The following LRRC4C variants were observed in gnomAD, a reference collection of about 807,000 sequenced individuals.
The protein encoded by LRRC4C is leucine rich repeat containing 4C.
A neutral mutation model predicts 33.6 loss-of-function variants in LRRC4C; 5 were observed. The ratio of observed to expected loss-of-function variants is 0.15; its 90% CI spans 0.08 to 0.31. The LOEUF is 0.31. LRRC4C is among the 10% of genes least tolerant of loss of function. The probability of loss-of-function intolerance (pLI) is 1.00; values close to 1 mark genes in which losing one functional copy is unlikely to be tolerated. For missense variants in LRRC4C, 560 were observed against 796.7 expected, an observed-to-expected ratio of 0.70 and a Z score of 3.58; for synonymous variants, 329 against 302.0, an observed-to-expected ratio of 1.09 and a Z score of -0.93.
intron 1 of LRRC4C, among the ~76,000 whole-genome samples, chr11:41,264,663 T>G (rs1949091921): frequency 6.6e-6 from 1 of 152,098 alleles, no homozygotes. Flanking sequence ...AAGAAACAAG[T>G]AGTATATATT....
chr11:40,175,019 G>A (rs564667712), intron 5 of LRRC4C, among the ~76,000 whole-genome samples: 1 of 152,228 alleles, frequency 6.6e-6, no homozygotes, highest in East Asian at 1.9e-4. Context: ...ACAGATTGAT[G>A]ATCTAGAATA....
chr11:40,380,295 A>G (rs902284246), intron 3 of LRRC4C, among the ~76,000 whole-genome samples: 3 of 152,124 alleles, frequency 2.0e-5, no homozygotes, highest in African/African-American at 7.2e-5. Flanking sequence ...GTGGTGGTTT[A>G]TGTTTTAAAT....
At chr11:41,384,272 TCAAGCACAA>T (rs1953268244) in intron 1 of LRRC4C, among the ~76,000 whole-genome samples, 2 of 151,956 alleles carry the variant, frequency 1.3e-5, no homozygotes, top group South Asian at 4.1e-4. Flanking sequence ...TAATGCACAC[TCAAGCACAA>T]TAAAAACTAT....
At chr11:40,272,921 C>T (rs890895049) in intron 4 of LRRC4C, among the ~76,000 whole-genome samples, 4 of 151,738 alleles carry the variant, frequency 2.6e-5, no homozygotes, top group African/African-American at 9.7e-5. Context: ...ATTTTAAAGC[C>T]ATGTGTCAAT....
chr11:41,047,039 T>A (rs1223656619), intron 1 of LRRC4C, among the ~76,000 whole-genome samples: 2 of 152,154 alleles, frequency 1.3e-5, no homozygotes, highest in Non-Finnish European at 2.9e-5. Flanking sequence ...TTAACAATTG[T>A]TGTGCTTCAA....
rs191141983 is a variant in LRRC4C at position 40,856,388 on chromosome 11, C to T, written c.-407+77247G>A. Among the ~76,000 whole-genome samples the T allele has an allele frequency of 5.2e-3, 792 of 152,040 alleles. 6 individuals carry two copies. Among genetic ancestry groups the T allele is most frequent in the Non-Finnish European group, 7.6e-3 (515 of 67,998 alleles). ...GAAAATATAAAATGTTGTGGAAGTA[C>T]GTGGGTATGTTGCACTATGTATTCT... On this transcript the variant is annotated intron_variant, in intron 2 of 6. Coordinates refer to ENST00000528697, the MANE Select transcript of LRRC4C (RefSeq NM_001258419.2).
In LRRC4C at chr11:40,335,808, G is replaced by T. The variant is rs866751122; in HGVS notation, c.-269-16087C>A. Among the ~76,000 whole-genome samples, 3 of 152,316 alleles carry T rather than the reference G, an allele frequency of 2.0e-5. No homozygotes were observed. The South Asian group carries it at 6.2e-4, about 32-fold the overall frequency. On this transcript the variant is annotated intron_variant, in intron 3 of 6. Transcript: ENST00000528697. ...TGTCTAGAGTACACTGTGTAACGCA[G>T]GTAAGTAAGTAACGCAGCCAAGTGA...
intron 5 of LRRC4C, among the ~76,000 whole-genome samples, chr11:40,153,574 A>G (rs1376593209): frequency 9.5e-6 from 1 of 105,146 alleles, no homozygotes; most frequent in African/African-American, 3.7e-5. Flanking sequence ...ATATTCAATG[A>G]AATAGATAGC....
intron 2 of LRRC4C, among the ~76,000 whole-genome samples, chr11:40,902,332 ATGTTGTATG>A (rs1414617661): frequency 2.6e-5 from 4 of 152,070 alleles, no homozygotes; most frequent in Non-Finnish European, 4.4e-5. Flanking sequence ...TAATTGATAA[ATGTTGTATG>A]TGTCTGACAG....
intron 2 of LRRC4C, among the ~76,000 whole-genome samples, chr11:40,727,957 C>T (rs945513715): frequency 2.0e-5 from 3 of 152,140 alleles, no homozygotes; most frequent in Non-Finnish European, 4.4e-5. Flanking sequence ...GCAGGATAAT[C>T]GCTTGAACCC....
intron 3 of LRRC4C, among the ~76,000 whole-genome samples, chr11:40,334,300 T>C (rs1288589727): frequency 6.6e-6 from 1 of 152,080 alleles, no homozygotes; most frequent in African/African-American, 2.4e-5. Context: ...TAATAAAGCT[T>C]TTAATAATGG....
chr11:41,282,577 T>TAAC (rs1949708440), intron 1 of LRRC4C, among the ~76,000 whole-genome samples: 1 of 152,192 alleles, frequency 6.6e-6, no homozygotes, highest in South Asian at 2.1e-4. Context: ...GTCCTCCTCC[T>TAAC]AACAGGCATA....
chr11:41,406,447 G>C (rs565127364), intron 1 of LRRC4C, among the ~76,000 whole-genome samples: 8 of 151,992 alleles, frequency 5.3e-5, no homozygotes, highest in African/African-American at 1.9e-4. Flanking sequence ...TCATCATTGC[G>C]TGGGTATCTT....
At position 40,694,522 on chromosome 11, in the gene LRRC4C, G is replaced by GT. The variant is rs371592566; in HGVS notation, c.-406-46245dup. On this transcript the variant is annotated intron_variant, in intron 2 of 6. Transcript: ENST00000528697. ...CTGGAGGTAATAGCAGCTAAATGCTGTTTTTGTATTTATACACTCATAATG... is the reference window on the plus strand; with the variant it reads ...CTGGAGGTAATAGCAGCTAAATGCTGTTTTTTGTATTTATACACTCATAATG... Among the ~76,000 whole-genome samples, 1,071 of 152,236 alleles carry GT rather than the reference G, an allele frequency of 7.0e-3. 13 individuals carry two copies. The highest frequency in any genetic ancestry group is 0.025 in the African/African-American group (1,028 of 41,554).
chr11:41,185,599 G>A (rs1409056896), intron 1 of LRRC4C, among the ~76,000 whole-genome samples: 1 of 152,120 alleles, frequency 6.6e-6, no homozygotes, highest in Non-Finnish European at 1.5e-5. Flanking sequence ...GTATTTAGTG[G>A]AGAAAAGGTT....
chr11:40,919,828 A>T (rs1040169728), intron 2 of LRRC4C, among the ~76,000 whole-genome samples: 1 of 152,202 alleles, frequency 6.6e-6, no homozygotes, highest in Non-Finnish European at 1.5e-5. Context: ...AAATTAGGCC[A>T]TTGCAAACAA....
intron 3 of LRRC4C, among the ~76,000 whole-genome samples, chr11:40,564,217 A>G (rs1017542604): frequency 4.6e-5 from 7 of 152,198 alleles, no homozygotes; most frequent in Non-Finnish European, 8.8e-5. Context: ...CACTGGTGGC[A>G]TGGCCTTGAG....
chr11:40,127,343 C>T (rs1161590429), intron 6 of LRRC4C, among the ~76,000 whole-genome samples: 1 of 151,740 alleles, frequency 6.6e-6, no homozygotes, highest in Non-Finnish European at 1.5e-5. Context: ...TATAGATTGG[C>T]ATGGAGGCGG....
intron 1 of LRRC4C, among the ~76,000 whole-genome samples, chr11:41,025,460 A>G (rs1191127205): frequency 6.6e-6 from 1 of 151,724 alleles, no homozygotes; most frequent in Non-Finnish European, 1.5e-5. Context: ...CATTCCCTAA[A>G]TGAAAGACTA....
Sources: allele counts gnomAD v4.1 joint callset (sites outside exome capture counted in the v4.1 genomes callset), GRCh38; gene constraint gnomAD v4.1.1; transcripts MANE v1.5; gene names NCBI Gene and HGNC (gene_info 2026-07-23, HGNC 2026-07-21).